The following HS3ST4 variants were observed in gnomAD, a reference collection of about 807,000 sequenced individuals.
HS3ST4 encodes heparan sulfate glucosamine 3-O-sulfotransferase 4.
A neutral mutation model predicts 29.2 loss-of-function variants in HS3ST4; 17 were observed. That is an observed-to-expected ratio of 0.58 (90% confidence interval 0.40 to 0.87). HS3ST4 has a LOEUF of 0.87. Ranked by LOEUF, HS3ST4 falls within the 40% of genes least tolerant of loss-of-function variation. HS3ST4 has a pLI of 0.00. For synonymous variants in HS3ST4, 314 were observed against 285.7 expected (o/e 1.10, Z -1.00); for missense variants, 627 against 634.5 (o/e 0.99, Z 0.13).
At chr16:25,739,480 C>T (rs1966637100) in intron 1 of HS3ST4, among the ~76,000 whole-genome samples, 2 of 152,202 alleles carry the variant, frequency 1.3e-5, no homozygotes, top group South Asian at 4.1e-4. Flanking sequence ...CTTTTGCTGT[C>T]TCCTTTTCTG....
chr16:25,869,651 A>G (rs1311728441), intron 1 of HS3ST4, among the ~76,000 whole-genome samples: 1 of 152,166 alleles, frequency 6.6e-6, no homozygotes, highest in Non-Finnish European at 1.5e-5. Context: ...CACTGCTGAC[A>G]TTTATTGAGT....
At chr16:25,942,918 G>A (rs1417155318) in intron 1 of HS3ST4, among the ~76,000 whole-genome samples, 4 of 152,064 alleles carry the variant, frequency 2.6e-5, no homozygotes, top group Non-Finnish European at 5.9e-5. Context: ...CACCATGCCC[G>A]GCCTGCCTGT....
chr16:25,983,107 G>A (rs1044360202), intron 1 of HS3ST4, among the ~76,000 whole-genome samples: 1 of 152,202 alleles, frequency 6.6e-6, no homozygotes, highest in Non-Finnish European at 1.5e-5. Context: ...GTAAGTGCTA[G>A]GAGGAGAATG....
intron 1 of HS3ST4, among the ~76,000 whole-genome samples, chr16:25,971,692 G>A (rs112955798): frequency 0.088 from 13,369 of 152,228 alleles, 766 homozygotes; most frequent in Non-Finnish European, 0.12. Flanking sequence ...TTGGGAGGTC[G>A]AGGCAGGCTA....
At chr16:25,999,841 ATT>A (rs1026099665) in intron 1 of HS3ST4, among the ~76,000 whole-genome samples, 7 of 133,500 alleles carry the variant, frequency 5.2e-5, no homozygotes, top group African/African-American at 1.7e-4. Context: ...TATTATATAT[ATT>A]TTATATATAT....
chr16:26,058,184 C>T (rs769217532), intron 1 of HS3ST4, among the ~76,000 whole-genome samples: 1 of 152,184 alleles, frequency 6.6e-6, no homozygotes, highest in Non-Finnish European at 1.5e-5. Flanking sequence ...AGTGACCAAA[C>T]CTTTCTGAAA....
At chr16:25,766,762 G>A (rs988282444) in intron 1 of HS3ST4, among the ~76,000 whole-genome samples, 1 of 152,174 alleles carries the variant, frequency 6.6e-6, no homozygotes, top group Admixed American at 6.5e-5. Context: ...CAAAATCACT[G>A]CAGATGCCTG....
intron 1 of HS3ST4, among the ~76,000 whole-genome samples, chr16:25,722,629 G>A (rs1000835327): frequency 1.3e-5 from 2 of 152,200 alleles, no homozygotes; most frequent in African/African-American, 2.4e-5. Flanking sequence ...GGTACAGTCT[G>A]CTGAACATTT....
At chr16:26,111,852 A>G (rs1346147852) in intron 1 of HS3ST4, among the ~76,000 whole-genome samples, 2 of 152,086 alleles carry the variant, frequency 1.3e-5, no homozygotes, top group African/African-American at 4.8e-5. Context: ...CCCCATCTCT[A>G]TTAAAAATAC....
chr16:25,967,117 A>C (rs1487018350), intron 1 of HS3ST4, among the ~76,000 whole-genome samples: 3 of 152,176 alleles, frequency 2.0e-5, no homozygotes, highest in Admixed American at 2.0e-4. Flanking sequence ...TTTGAGAACC[A>C]CTGATCCAAT....
At chr16:25,750,827 T>C (rs1966713958) in intron 1 of HS3ST4, among the ~76,000 whole-genome samples, 1 of 152,220 alleles carries the variant, frequency 6.6e-6, no homozygotes. Context: ...CGCTTTTCCC[T>C]TCTACTTCTT....
intron 1 of HS3ST4, among the ~76,000 whole-genome samples, chr16:26,008,274 G>A (rs1969276246): frequency 6.6e-6 from 1 of 152,150 alleles, no homozygotes; most frequent in Non-Finnish European, 1.5e-5. Flanking sequence ...ATTTCTAGGG[G>A]AGTTACTTGG....
At chr16:25,817,193 A>G (rs12598909) in intron 1 of HS3ST4, among the ~76,000 whole-genome samples, 33,493 of 152,162 alleles carry the variant, frequency 0.22, 4,244 homozygotes, top group East Asian at 0.32. Flanking sequence ...TAATAACAGT[A>G]CTTGCCCAAT....
chr16:25,762,982 C>T (rs1966798336), intron 1 of HS3ST4, among the ~76,000 whole-genome samples: 1 of 151,642 alleles, frequency 6.6e-6, no homozygotes, highest in South Asian at 2.1e-4. Flanking sequence ...CTACTAGCTT[C>T]TGAAATGCAT....
intron 1 of HS3ST4, among the ~76,000 whole-genome samples, chr16:26,067,681 C>T (rs1315452953): frequency 6.6e-6 from 1 of 152,134 alleles, no homozygotes; most frequent in Non-Finnish European, 1.5e-5. Context: ...AAGACAACAT[C>T]CCTGATATGG....
intron 1 of HS3ST4, among the ~76,000 whole-genome samples, chr16:26,007,715 G>A (rs577575391): frequency 4.0e-4 from 61 of 152,214 alleles, no homozygotes; most frequent in East Asian, 9.7e-4. Flanking sequence ...ATCAGATGCC[G>A]TTGTCCTTCA....
chr16:25,887,150 C>T (rs776016628), intron 1 of HS3ST4, among the ~76,000 whole-genome samples: 9 of 151,926 alleles, frequency 5.9e-5, no homozygotes, highest in Non-Finnish European at 1.2e-4. Context: ...AAAGGCTGTT[C>T]GTGAAAGGAA....
intron 1 of HS3ST4, among the ~76,000 whole-genome samples, chr16:26,069,958 G>T (rs1012922231): frequency 4.6e-5 from 7 of 152,060 alleles, no homozygotes; most frequent in African/African-American, 1.4e-4. Context: ...GGCTATCATT[G>T]TTGGACATTT....
At chr16:25,966,736 C>T (rs7184092) in intron 1 of HS3ST4, among the ~76,000 whole-genome samples, 16,249 of 152,124 alleles carry the variant, frequency 0.11, 1,021 homozygotes, top group Middle Eastern at 0.19. Flanking sequence ...TGCAACATAC[C>T]TTTGCCCATT....
Sources: allele counts gnomAD v4.1 joint callset (sites outside exome capture counted in the v4.1 genomes callset), GRCh38; gene constraint gnomAD v4.1.1; transcripts MANE v1.5; gene names NCBI Gene and HGNC (gene_info 2026-07-23, HGNC 2026-07-21).